Variants in SMARCA2 observed in about 807,000 individuals in gnomAD.
SMARCA2 encodes the protein SWI/SNF-related matrix-associated actin-dependent regulator of chromatin subfamily A member 2.
SMARCA2 carries 61 observed loss-of-function variants against 199.8 expected under a neutral mutation model. The observed-to-expected ratio is 0.31, with a 90% confidence interval of 0.25 to 0.38. The LOEUF (loss-of-function observed/expected upper bound fraction) is 0.38. Ranked by LOEUF, SMARCA2 falls within the 10% of genes least tolerant of loss-of-function variation. The pLI is 1.00. For missense variants in SMARCA2, 1,344 were observed against 2,012.2 expected (o/e 0.67, Z 6.35); for synonymous variants, 935 against 732.0 (o/e 1.28, Z -4.48).
intron 29 of SMARCA2, among the ~76,000 whole-genome samples, chr9:2,173,574 C>T (rs1270956318): frequency 1.3e-5 from 2 of 152,014 alleles, no homozygotes; most frequent in East Asian, 3.9e-4. Context: ...TAGTTTGGAC[C>T]CAGAATCAAG....
intron 9 of SMARCA2, among the ~76,000 whole-genome samples, chr9:2,067,399 T>A (rs1003434194): frequency 2.0e-5 from 3 of 152,210 alleles, no homozygotes; most frequent in Admixed American, 2.0e-4. Context: ...ATCCCTGACC[T>A]CATAGCCTTA....
intron 1 of SMARCA2, among the ~76,000 whole-genome samples, chr9:2,020,888 A>G (rs1453871099): frequency 6.6e-6 from 1 of 152,214 alleles, no homozygotes; most frequent in Admixed American, 6.5e-5. Flanking sequence ...GATATGGAAT[A>G]CAAGATTTTG....
chr9:2,113,904 A>C (rs1011904869), intron 24 of SMARCA2, among the ~76,000 whole-genome samples: 1 of 152,238 alleles, frequency 6.6e-6, no homozygotes, highest in African/African-American at 2.4e-5. Flanking sequence ...CAGGTGAAGA[A>C]TGGTTTTCAC....
intron 14 of SMARCA2, 109 bp from the exon 15 acceptor site, chr9:2,081,723 C>G: frequency 3.3e-6 from 3 of 904,104 alleles, no homozygotes; most frequent in Non-Finnish European, 5.1e-6. Context: ...TGTGGGAAAC[C>G]CAACATACAG....
At chr9:2,137,057 C>T (rs896922120) in intron 27 of SMARCA2, among the ~76,000 whole-genome samples, 4 of 152,082 alleles carry the variant, frequency 2.6e-5, no homozygotes, top group Admixed American at 6.5e-5. Context: ...TTCTTAACAC[C>T]GCCAGTGCTC....
chr9:2,152,715 G>C (rs1468015739), intron 27 of SMARCA2, among the ~76,000 whole-genome samples: 4 of 152,030 alleles, frequency 2.6e-5, no homozygotes, highest in Non-Finnish European at 5.9e-5. Flanking sequence ...AGCCAGGCGT[G>C]GTGGTGCACA....
rs1011464376 is a variant in SMARCA2 at position 2,040,019 on chromosome 9, A to G, written c.790+119A>G. The G allele has an allele frequency of 6.0e-6, 9 of 1,509,382 alleles. No individual in the cohort carries two copies. In the African/African-American group the frequency reaches 9.6e-5, roughly 16 times the overall value. 93.5% of individuals were successfully genotyped at this position (1,509,382 alleles called of 1,614,324 possible). On this transcript the variant is annotated intron_variant, in intron 4 of 33. Coordinates refer to ENST00000349721, the MANE Select transcript of SMARCA2 (RefSeq NM_003070.5). ...CTGACGTAGCCTTTTGTTATACCTC[A>G]CTGGCTCTCTATCCTTGCTCCACTT...
chr9:2,110,453 C>T lies in SMARCA2; in HGVS notation c.3456+36C>T, dbSNP rs907248706. 2 of 1,508,630 alleles carry T rather than the reference C, an allele frequency of 1.3e-6. No individual in the cohort carries two copies. Among genetic ancestry groups the T allele is most frequent in the Admixed American group, 2.2e-5 (1 of 45,266 alleles). The allele number at this position is 1,508,630 out of a possible 1,614,324, so 93.5% of individuals were successfully genotyped here. On this transcript the variant is annotated intron_variant, in intron 24 of 33. Transcript: ENST00000349721. This position sits in a 1 kb window ranked among gnomAD's most constrained non-coding sequence, Gnocchi z 4.8. ...CCCACTCAGGTGCCCAGGCCTCCCT[C>T]TGGAGAGCAACTAAAAGATGATCAG...
chr9:2,073,464 T>A, intron 11 of SMARCA2, 102 bp from the exon 12 acceptor site: 3 of 1,481,320 alleles, frequency 2.0e-6, no homozygotes, highest in Non-Finnish European at 2.8e-6. Context: ...TTACTTGGAT[T>A]TGTCTTTTAT....
At position 2,093,912 on chromosome 9, in the gene SMARCA2, T is replaced by C. The variant is rs1056888000; in HGVS notation, c.2884-2745T>C. On this transcript the variant is annotated intron_variant, in intron 19 of 33. Transcript: ENST00000349721. ...GTGCATGCATATAGTAATTCATAAA[T>C]AAATATGTAGATATATGTTGGGAAA... Among the ~76,000 whole-genome samples, 3 of 152,240 alleles carry C rather than the reference T, an allele frequency of 2.0e-5. No homozygotes were observed. The East Asian group carries it at 5.8e-4, about 29-fold the overall frequency.
chr9:2,112,544 T>C (rs1823051375), intron 24 of SMARCA2, among the ~76,000 whole-genome samples: 1 of 151,926 alleles, frequency 6.6e-6, no homozygotes, highest in Admixed American at 6.6e-5. Flanking sequence ...TCAAAGTAAA[T>C]TGCAGTAACA....
At chr9:2,070,345 C>A in intron 9 of SMARCA2, 73 bp from the exon 10 acceptor site, 1 of 1,184,446 alleles carries the variant, frequency 8.4e-7, no homozygotes, top group Non-Finnish European at 1.3e-6. Context: ...CTATTACATA[C>A]CGGAGAGTTA....
At chr9:2,092,551 A>G (rs547730714) in intron 19 of SMARCA2, among the ~76,000 whole-genome samples, 1 of 152,352 alleles carries the variant, frequency 6.6e-6, no homozygotes, top group Admixed American at 6.5e-5. Context: ...GGGGAATTAT[A>G]AATGAAGAAT....
chr9:2,130,289 C>T (rs573922550), intron 27 of SMARCA2, among the ~76,000 whole-genome samples: 8 of 152,224 alleles, frequency 5.3e-5, no homozygotes, highest in African/African-American at 1.7e-4. Context: ...TTCCTGTTCC[C>T]GAGTGATAGC....
chr9:2,072,588 C>T (rs1274728855), intron 10 of SMARCA2, among the ~76,000 whole-genome samples: 2 of 152,176 alleles, frequency 1.3e-5, no homozygotes, highest in Non-Finnish European at 2.9e-5. Flanking sequence ...GTTATAATAC[C>T]TTTTCTGTTT....
rs377486807 is a variant in SMARCA2, at chr9:2,186,244, C to A, written c.4594+16C>A. On this transcript the variant is annotated intron_variant, in intron 32 of 33. Transcript: ENST00000349721. ...GAGTCCGAGGGTAAGCCCAGACATTCGGGTCCTGTACATCTTTGCCCCTCC... is the reference window on the plus strand; with the variant it reads ...GAGTCCGAGGGTAAGCCCAGACATTAGGGTCCTGTACATCTTTGCCCCTCC... 6.2e-7 allele frequency: 1 copy of A among 1,609,250 alleles called. No individual in the cohort carries two copies. The highest frequency in any genetic ancestry group is 1.1e-5 in the South Asian group (1 of 90,708).
intron 27 of SMARCA2, among the ~76,000 whole-genome samples, chr9:2,149,645 G>A (rs573534592): frequency 5.9e-5 from 9 of 151,536 alleles, no homozygotes; most frequent in East Asian, 5.8e-4. Flanking sequence ...CGGGTCCTTC[G>A]CACAACATGT....
chr9:2,050,710 C>A (rs760212555), intron 5 of SMARCA2, among the ~76,000 whole-genome samples: 2 of 151,940 alleles, frequency 1.3e-5, no homozygotes, highest in African/African-American at 2.4e-5. Flanking sequence ...GCTTTACCAG[C>A]AGAGTTACAA....
At chr9:2,144,452 A>G (rs761120754) in intron 27 of SMARCA2, among the ~76,000 whole-genome samples, 1 of 152,156 alleles carries the variant, frequency 6.6e-6, no homozygotes, top group Non-Finnish European at 1.5e-5. Flanking sequence ...AAGCATGTCA[A>G]GGCACCAGTC....
Sources: allele counts gnomAD v4.1 joint callset (sites outside exome capture counted in the v4.1 genomes callset), GRCh38; gene constraint gnomAD v4.1.1; non-coding constraint Gnocchi (gnomAD v3.1); transcripts MANE v1.5; gene names NCBI Gene and HGNC (gene_info 2026-07-23, HGNC 2026-07-21).